NEGR1: variants seen among roughly 807,000 people sequenced by gnomAD.
NEGR1 encodes the protein IgLON family member 4.
In NEGR1, 10 loss-of-function variants were observed where a neutral mutation model predicts 40.9. That is an observed-to-expected ratio of 0.24 (90% CI 0.15 to 0.42). NEGR1 has a LOEUF of 0.42. Ranked by LOEUF, NEGR1 falls within the 10% of genes least tolerant of loss-of-function variation. NEGR1 has a pLI of 1.00. For missense variants in NEGR1, 352 were observed against 438.9 expected, an observed-to-expected ratio of 0.80 and a Z score of 1.77; for synonymous variants, 185 against 166.8, an observed-to-expected ratio of 1.11 and a Z score of -0.84.
intron 1 of NEGR1, among the ~76,000 whole-genome samples, chr1:72,221,515 T>C (rs977513009): frequency 6.6e-6 from 1 of 152,088 alleles, no homozygotes; most frequent in Non-Finnish European, 1.5e-5. Context: ...TTTTAGAAAT[T>C]AAAGGAAACT....
chr1:71,615,734 T>G (rs894978998), intron 4 of NEGR1, among the ~76,000 whole-genome samples: 4 of 152,200 alleles, frequency 2.6e-5, no homozygotes, highest in Non-Finnish European at 4.4e-5. Context: ...GATAAGGTTT[T>G]GCAGATTTTG....
intron 1 of NEGR1, among the ~76,000 whole-genome samples, chr1:72,264,749 G>A (rs1051234714): frequency 2.7e-5 from 4 of 150,426 alleles, no homozygotes; most frequent in East Asian, 1.9e-4. Flanking sequence ...CTACTAACTC[G>A]TACAAAACGT....
chr1:71,758,785 C>T (rs1186107688), intron 3 of NEGR1, among the ~76,000 whole-genome samples: 3 of 152,020 alleles, frequency 2.0e-5, no homozygotes, highest in Non-Finnish European at 4.4e-5. Flanking sequence ...TTTAAAAAAT[C>T]GTTATTAAGC....
At chr1:71,422,075 A>AT (rs924303234) in intron 6 of NEGR1, among the ~76,000 whole-genome samples, 11 of 152,156 alleles carry the variant, frequency 7.2e-5, no homozygotes, top group Admixed American at 4.6e-4. Flanking sequence ...ACGAGATGAT[A>AT]TTTTGCAAAG....
chr1:71,681,825 G>T (rs143191069), intron 4 of NEGR1, among the ~76,000 whole-genome samples: 12 of 152,114 alleles, frequency 7.9e-5, no homozygotes, highest in African/African-American at 2.7e-4. Context: ...TCTCTGGCTA[G>T]CATTCCATTT....
At chr1:71,421,690 CTG>C (rs1284406619) in intron 6 of NEGR1, among the ~76,000 whole-genome samples, 2 of 151,970 alleles carry the variant, frequency 1.3e-5, no homozygotes, top group Admixed American at 6.6e-5. Context: ...TTCTAAAATT[CTG>C]TGTTTGTTTA....
At chr1:71,700,662 T>C (rs1384400824) in intron 3 of NEGR1, among the ~76,000 whole-genome samples, 2 of 151,976 alleles carry the variant, frequency 1.3e-5, no homozygotes, top group African/African-American at 4.8e-5. Context: ...CTTAAAACCA[T>C]GCAAATTTAT....
At chr1:71,534,035 A>G (rs1014804508) in intron 6 of NEGR1, among the ~76,000 whole-genome samples, 1 of 151,694 alleles carries the variant, frequency 6.6e-6, no homozygotes, top group African/African-American at 2.4e-5. Flanking sequence ...CGAGTGTGGC[A>G]GTGGGAAGTA....
intron 1 of NEGR1, among the ~76,000 whole-genome samples, chr1:72,068,657 T>C (rs1647340044): frequency 2.0e-5 from 3 of 152,156 alleles, no homozygotes; most frequent in Admixed American, 2.0e-4. Context: ...CATAAGGCAA[T>C]AAAACTTCTT....
intron 4 of NEGR1, among the ~76,000 whole-genome samples, chr1:71,650,166 ACTTATACT>A (rs1442386573): frequency 2.8e-4 from 43 of 152,164 alleles, no homozygotes; most frequent in African/African-American, 1.0e-3. Flanking sequence ...TCGGTTCTCC[ACTTATACT>A]CTTAGAGGTG....
chr1:71,458,574 G>C (rs750005031), intron 6 of NEGR1, among the ~76,000 whole-genome samples: 20 of 152,092 alleles, frequency 1.3e-4, no homozygotes, highest in Non-Finnish European at 2.9e-4. Context: ...ATATGGCTTT[G>C]ATCATACCAG....
chr1:72,105,061 G>A (rs1157220560), intron 1 of NEGR1, among the ~76,000 whole-genome samples: 2 of 152,022 alleles, frequency 1.3e-5, no homozygotes, highest in Non-Finnish European at 2.9e-5. Context: ...TCACAATAAC[G>A]AGACAAAACT....
intron 1 of NEGR1, among the ~76,000 whole-genome samples, chr1:72,218,321 A>T (rs551235538): frequency 6.6e-6 from 1 of 152,054 alleles, no homozygotes; most frequent in African/African-American, 2.4e-5. Context: ...GATTTTATAA[A>T]ATCTTTACTT....
intron 1 of NEGR1, among the ~76,000 whole-genome samples, chr1:72,262,281 A>T (rs1057213516): frequency 5.3e-5 from 8 of 152,068 alleles, no homozygotes; most frequent in Non-Finnish European, 8.8e-5. Context: ...AAGGGAGTGC[A>T]TTGGGAGATG....
chr1:72,269,849 T>C (rs1401978022), intron 1 of NEGR1, among the ~76,000 whole-genome samples: 1 of 151,744 alleles, frequency 6.6e-6, no homozygotes, highest in Admixed American at 6.6e-5. Context: ...ATATAATATA[T>C]AGCATGTACA....
intron 1 of NEGR1, among the ~76,000 whole-genome samples, chr1:72,129,915 C>G (rs1439190774): frequency 6.6e-6 from 1 of 152,114 alleles, no homozygotes; most frequent in East Asian, 1.9e-4. Context: ...ACTAATTCAC[C>G]ATTGCCTTTG....
At position 71,528,042 on chromosome 1, in the gene NEGR1, A is replaced by G. The variant is rs76238493; in HGVS notation, c.940+64775T>C. ...CTTCTGTATTCATTTTTTTGGTTCAAACGCTTTGCTAAGTGGTTCAGCATT... is the reference window on the plus strand; with the variant it reads ...CTTCTGTATTCATTTTTTTGGTTCAGACGCTTTGCTAAGTGGTTCAGCATT... On this transcript the variant is annotated intron_variant, in intron 6 of 6. Transcript: ENST00000357731. Among the ~76,000 whole-genome samples the G allele has an allele frequency of 5.4e-3, 818 of 151,424 alleles. 5 individuals carry two copies. The highest frequency in any genetic ancestry group is 9.1e-3 in the Non-Finnish European group (616 of 67,494).
intron 1 of NEGR1, among the ~76,000 whole-genome samples, chr1:72,015,814 G>A (rs1646704873): frequency 6.6e-6 from 1 of 152,090 alleles, no homozygotes. Flanking sequence ...ACCCCTCATG[G>A]CCTGGTTTTG....
At chr1:71,528,405 A>G (rs955080918) in intron 6 of NEGR1, among the ~76,000 whole-genome samples, 2 of 151,350 alleles carry the variant, frequency 1.3e-5, no homozygotes, top group Non-Finnish European at 3.0e-5. Context: ...ATAATAACCT[A>G]TGCTCCTAGT....
Sources: allele counts gnomAD v4.1 joint callset (sites outside exome capture counted in the v4.1 genomes callset), GRCh38; gene constraint gnomAD v4.1.1; transcripts MANE v1.5; gene names NCBI Gene and HGNC (gene_info 2026-07-23, HGNC 2026-07-21).